Variants in AOAH observed in about 807,000 individuals in gnomAD.
The protein encoded by AOAH is acyloxyacyl hydrolase (neutrophil).
Under a neutral mutation model 92.2 loss-of-function variants are expected in AOAH, and 64 were observed. The ratio of observed to expected loss-of-function variants is 0.69; its 90% confidence interval spans 0.57 to 0.86. The LOEUF is 0.86. Among genes scored for constraint, AOAH ranks in the 40% least tolerant of loss-of-function variants. AOAH has a pLI of 0.00. For synonymous variants in AOAH, 263 were observed against 254.5 expected (o/e 1.03, Z -0.32); for missense variants, 656 against 694.6 (o/e 0.94, Z 0.62).
At position 36,535,018 on chromosome 7, in the gene AOAH, CTGTGTCTGTGTG is replaced by C. The variant is rs1467138268; in HGVS notation, c.1307-2686_1307-2675del. Among the ~76,000 whole-genome samples, 115 of 20,862 alleles carry C rather than the reference CTGTGTCTGTGTG, an allele frequency of 5.5e-3. 1 individual carries two copies. The highest frequency in any genetic ancestry group is 0.013 in the African/African-American group (112 of 8,868). The allele number at this position is 20,862 out of a possible 152,430, so 13.7% of individuals were successfully genotyped here. The stretch of plus-strand genomic sequence containing the variant: ...TCTGCTTGTGTGTATCTGTGTGTGT[CTGTGTCTGTGTG>C]TGTGTCTGTGTGTGTGTATGTGTCT... On this transcript the variant is annotated intron_variant, in intron 16 of 20. Transcript: ENST00000617537.
At chr7:36,598,296 C>T (rs1790285106) in intron 11 of AOAH, 1 of 152,210 alleles carries the variant, frequency 6.6e-6, no homozygotes, top group African/African-American at 2.4e-5. Context: ...TTGTATTCCT[C>T]AGCGGGAGCC....
intron 1 of AOAH, among the ~76,000 whole-genome samples, chr7:36,692,704 C>T (rs901384434): frequency 1.4e-4 from 22 of 152,164 alleles, no homozygotes; most frequent in African/African-American, 5.1e-4. Context: ...ACACATTCAT[C>T]CTGTCATTTA....
Position 36,573,062 on chromosome 7 carries a change from C to G in AOAH, c.1021+3512G>C, listed in dbSNP as rs189719842. On this transcript the variant is annotated intron_variant, in intron 13 of 20. Transcript: ENST00000617537. ...AGAGACATTCAATGATTGGCCCAAG[C>G]CACACACTAATTCCAGGACCCAAAT... is the stretch of plus-strand genomic sequence containing the variant. Among the ~76,000 whole-genome samples, 10 of 152,310 alleles carry G rather than the reference C, an allele frequency of 6.6e-5. No homozygotes were observed. In the East Asian group the frequency reaches 1.9e-3, roughly 29 times the overall value.
rs1052900395 is a variant in AOAH, at chr7:36,594,418, T to G, written c.859A>C (p.Asn287His). 1.2e-6 allele frequency: 2 copies of G among 1,613,618 alleles called. No individual in the cohort carries two copies. The highest frequency in any genetic ancestry group is 2.7e-5 in the African/African-American group (2 of 75,030). ...TCGTTGGTAAGGGCTGTTGGTAGAT[T>G]GATGAAAGAGTTCTAAGGAAAACAA... ...ASQMSLNSFI[N>H]LPTALTNELD... The change falls in exon 12 of 21, where the codon AAT (asparagine) becomes CAT (histidine). Residue 287 changes from asparagine to histidine, a missense_variant. Transcript: ENST00000617537.
intron 3 of AOAH, among the ~76,000 whole-genome samples, chr7:36,672,278 T>G (rs888331809): frequency 3.3e-5 from 5 of 152,150 alleles, no homozygotes; most frequent in African/African-American, 1.2e-4. Context: ...GCTACCCTGT[T>G]GTAGAGGGGG....
At chr7:36,556,021 G>C (rs1786678864) in intron 13 of AOAH, among the ~76,000 whole-genome samples, 1 of 151,950 alleles carries the variant, frequency 6.6e-6, no homozygotes, top group African/African-American at 2.4e-5. Flanking sequence ...CTTGCCTTCT[G>C]CTAGCTTTTG....
At chr7:36,529,441 A>G (rs1036367781) in intron 19 of AOAH, among the ~76,000 whole-genome samples, 1 of 152,206 alleles carries the variant, frequency 6.6e-6, no homozygotes, top group East Asian at 1.9e-4. Flanking sequence ...CCTAGGCAGG[A>G]AATCTAGTTA....
chr7:36,678,189 G>T (rs1034832733), intron 2 of AOAH, among the ~76,000 whole-genome samples: 3 of 152,112 alleles, frequency 2.0e-5, no homozygotes, highest in Non-Finnish European at 4.4e-5. Flanking sequence ...TGTGGAGAGG[G>T]TCAAGAAGCT....
intron 20 of AOAH, among the ~76,000 whole-genome samples, chr7:36,515,692 CAT>C (rs1783621266): frequency 1.0e-5 from 1 of 95,344 alleles, no homozygotes. Context: ...ACCACACACA[CAT>C]AATCACACAC....
intron 1 of AOAH, among the ~76,000 whole-genome samples, chr7:36,703,920 C>T (rs1184229994): frequency 6.6e-6 from 1 of 152,126 alleles, no homozygotes; most frequent in East Asian, 1.9e-4. Context: ...ATTTACACTC[C>T]CACCAACAGT....
intron 12 of AOAH, among the ~76,000 whole-genome samples, chr7:36,589,931 T>C (rs1478421766): frequency 1.3e-5 from 2 of 151,952 alleles, no homozygotes; most frequent in Non-Finnish European, 2.9e-5. Context: ...TTAATCTTAA[T>C]TTTTTTTACT....
intron 6 of AOAH, among the ~76,000 whole-genome samples, chr7:36,626,296 C>T (rs935792092): frequency 4.6e-5 from 7 of 152,178 alleles, no homozygotes; most frequent in Non-Finnish European, 1.0e-4. Flanking sequence ...CCAAAGCTAT[C>T]CCCTCCCACC....
chr7:36,615,547 C>G (rs1791807272), intron 11 of AOAH, among the ~76,000 whole-genome samples: 1 of 152,186 alleles, frequency 6.6e-6, no homozygotes, highest in African/African-American at 2.4e-5. Context: ...TACCACTGAA[C>G]CCCCTGCTTG....
At position 36,632,072 on chromosome 7, in the gene AOAH, A is replaced by G. The variant is rs1175693835; in HGVS notation, c.485T>C (p.Leu162Pro). The part of the protein sequence containing the change: ...YSRSGSDICS[L>P]PVLAKICQKI... Reference sequence around the variant, plus strand: ...CTGGCAGATCTTGGCCAAAACCGGGAGTGAACAAATGTCAGAACCACTTCT... The same window carrying G: ...CTGGCAGATCTTGGCCAAAACCGGGGGTGAACAAATGTCAGAACCACTTCT... Residue 162 changes from leucine (L) to proline (P), a missense_variant, in exon 6 of 21, where the codon CTC (leucine) becomes CCC (proline). By Grantham distance (98) the Leu-to-Pro change is moderately conservative (BLOSUM62 -3). Transcript: ENST00000617537. 1.2e-5 allele frequency: 19 copies of G among 1,613,158 alleles called. No homozygotes were observed. Among genetic ancestry groups the G allele is most frequent in the Middle Eastern group, 1.6e-4 (1 of 6,082 alleles).
In AOAH at chr7:36,530,527, G is replaced by C; in HGVS notation, c.1426-13C>G. On this transcript the variant is annotated splice_polypyrimidine_tract_variant and intron_variant, in intron 18 of 20. Transcript: ENST00000617537. Reference sequence around the variant, plus strand: ...GTTGCTCTGCTCTCTGAAGAGAGAGGAAACAGGGAGAATTTCATGAAATCT... The same window carrying C: ...GTTGCTCTGCTCTCTGAAGAGAGAGCAAACAGGGAGAATTTCATGAAATCT... The C allele has an allele frequency of 1.3e-6, 2 of 1,556,210 alleles. No homozygotes were observed. The highest frequency in any genetic ancestry group is 1.8e-6 in the Non-Finnish European group (2 of 1,128,624).
chr7:36,688,099 C>T (rs963696366), intron 1 of AOAH, among the ~76,000 whole-genome samples: 1 of 152,128 alleles, frequency 6.6e-6, no homozygotes, highest in Non-Finnish European at 1.5e-5. Context: ...ATGCATTGAT[C>T]ACCATTAATT....
Position 36,706,106 on chromosome 7 carries a change from C to T in AOAH, c.127+17916G>A, listed in dbSNP as rs554371163. On this transcript the variant is annotated intron_variant, in intron 1 of 20. Transcript: ENST00000617537. ...ATAGGCATGTGCAAAGACTTCATTA[C>T]TAAAACACCAAAAGCAATGGCAACA... Among the ~76,000 whole-genome samples, 162 of 152,242 alleles carry T rather than the reference C, an allele frequency of 1.1e-3. 1 individual carries two copies. Among genetic ancestry groups the T allele is most frequent in the African/African-American group, 3.9e-3 (161 of 41,540 alleles).
At chr7:36,634,898 A>G (rs1229282580) in intron 5 of AOAH, among the ~76,000 whole-genome samples, 3 of 152,276 alleles carry the variant, frequency 2.0e-5, no homozygotes, top group Non-Finnish European at 4.4e-5. Context: ...GTCAAAATTC[A>G]GCCTGATGGC....
intron 13 of AOAH, among the ~76,000 whole-genome samples, chr7:36,559,989 A>G (rs1787138486): frequency 6.6e-6 from 1 of 152,162 alleles, no homozygotes; most frequent in Middle Eastern, 3.2e-3. Flanking sequence ...TTGAACAGGG[A>G]GTCCTTTCCC....
Sources: allele counts gnomAD v4.1 joint callset (sites outside exome capture counted in the v4.1 genomes callset), GRCh38; gene constraint gnomAD v4.1.1; transcripts MANE v1.5; gene names NCBI Gene and HGNC (gene_info 2026-07-23, HGNC 2026-07-21).